HTR2A: variants seen among roughly 807,000 people sequenced by gnomAD.
HTR2A encodes 5-hydroxytryptamine receptor 2A.
In HTR2A, 14 loss-of-function variants were observed where a neutral mutation model predicts 31.0. That is an observed-to-expected ratio of 0.45 (90% CI 0.30 to 0.71). The LOEUF is 0.71. Ranked by LOEUF, HTR2A falls within the 30% of genes least tolerant of loss-of-function variation. The pLI, the probability that HTR2A is intolerant of heterozygous loss-of-function variation, is 0.09. For missense variants in HTR2A, 442 were observed against 573.3 expected (o/e 0.77, Z 2.34); for synonymous variants, 209 against 225.2 (o/e 0.93, Z 0.64).
rs1359182406 is a variant in HTR2A at position 46,834,769 on chromosome 13, T to A, written c.*68A>T. ...TGTCTAATTTTTTCCAATCTCATAT[T>A]TTTTTTTTTCCAGATAGGTGAAAAC... On this transcript the variant is annotated 3_prime_UTR_variant, in exon 4 of 4. Coordinates refer to ENST00000542664, the MANE Select transcript of HTR2A (RefSeq NM_000621.5). 6 of 1,252,994 alleles carry A rather than the reference T, an allele frequency of 4.8e-6. No homozygotes were observed. Among genetic ancestry groups the A allele is most frequent in the South Asian group, 1.5e-5 (1 of 66,678 alleles). The allele number at this position is 1,252,994 out of a possible 1,614,324, so 77.6% of individuals were successfully genotyped here. A position where few individuals can be genotyped will look rare whatever the true frequency, so the allele number is the denominator to read the frequency against.
At chr13:46,877,728 T>C (rs777563709) in intron 3 of HTR2A, among the ~76,000 whole-genome samples, 20 of 152,148 alleles carry the variant, frequency 1.3e-4, no homozygotes, top group Non-Finnish European at 2.4e-4. Context: ...TGTGAAAATA[T>C]AGAGATATGG....
At chr13:46,893,223 TAAA>T (rs1238166617) in intron 2 of HTR2A, among the ~76,000 whole-genome samples, 6 of 152,072 alleles carry the variant, frequency 3.9e-5, no homozygotes, top group African/African-American at 9.7e-5. Context: ...TGAAGAAAAA[TAAA>T]GAAAGGTGTC....
intron 3 of HTR2A, among the ~76,000 whole-genome samples, chr13:46,863,785 G>A (rs1298627778): frequency 6.6e-6 from 1 of 152,018 alleles, no homozygotes; most frequent in Non-Finnish European, 1.5e-5. Context: ...TGGCAAGGTT[G>A]TGGAGAAAAA....
In HTR2A at chr13:46,892,478, G is replaced by A. The variant is rs112426939; in HGVS notation, c.525C>T (p.Val175=). 16 of 1,614,220 alleles carry A rather than the reference G, an allele frequency of 9.9e-6. No individual in the cohort carries two copies. Among genetic ancestry groups the A allele is most frequent in the African/African-American group, 2.7e-5 (2 of 75,056 alleles). Reference sequence around the variant, plus strand: ...TGTGGTGGATGGGATTCTGGATGGCGACGTAGCGGTCCAGCGAGATGGCGC... The same window carrying A: ...TGTGGTGGATGGGATTCTGGATGGCAACGTAGCGGTCCAGCGAGATGGCGC... The part of the protein sequence containing the change: ...HLCAISLDRY[V]AIQNPIHHSR... The change falls in exon 3 of 4, where the codon GTC becomes GTT. Residue 175 remains valine, a synonymous_variant. Transcript: ENST00000542664.
intron 3 of HTR2A, among the ~76,000 whole-genome samples, chr13:46,858,425 G>A (rs1950755745): frequency 6.6e-6 from 1 of 152,134 alleles, no homozygotes; most frequent in Non-Finnish European, 1.5e-5. Flanking sequence ...CATGCCATGA[G>A]GAATTGCAGG....
At chr13:46,845,111 A>C (rs1000733294) in intron 3 of HTR2A, among the ~76,000 whole-genome samples, 2 of 152,178 alleles carry the variant, frequency 1.3e-5, no homozygotes, top group Admixed American at 6.5e-5. Context: ...GTTCAATATA[A>C]TCATGATGTC....
chr13:46,890,319 G>A (rs965385776), intron 3 of HTR2A, among the ~76,000 whole-genome samples: 2 of 152,184 alleles, frequency 1.3e-5, no homozygotes, highest in African/African-American at 2.4e-5. Context: ...CTCCAGCCTG[G>A]GCAACAAGAG....
intron 3 of HTR2A, among the ~76,000 whole-genome samples, chr13:46,840,938 TC>T (rs1950592443): frequency 6.6e-6 from 1 of 152,108 alleles, no homozygotes; most frequent in African/African-American, 2.4e-5. Flanking sequence ...ATCCTCATAA[TC>T]CCCACATGTC....
chr13:46,892,656 C>G, intron 2 of HTR2A, 66 bp from the exon 3 acceptor site: 5 of 1,329,460 alleles, frequency 3.8e-6, no homozygotes, highest in Non-Finnish European at 5.4e-6. Context: ...TATCCCTATC[C>G]TATGACAATT....
intron 3 of HTR2A, among the ~76,000 whole-genome samples, chr13:46,862,916 T>A (rs1197031129): frequency 1.3e-5 from 2 of 152,220 alleles, no homozygotes; most frequent in Non-Finnish European, 2.9e-5. Flanking sequence ...GTAAATGACT[T>A]AAATCACTAA....
intron 3 of HTR2A, 131 bp from the exon 4 acceptor site, chr13:46,835,770 T>C (rs1876433784): frequency 1.0e-5 from 7 of 702,880 alleles, no homozygotes; most frequent in Non-Finnish European, 1.6e-5. Flanking sequence ...ACTTTGAGAA[T>C]TTAAAATTCC....
intron 3 of HTR2A, among the ~76,000 whole-genome samples, chr13:46,888,277 G>A (rs1417003109): frequency 1.3e-5 from 2 of 152,066 alleles, no homozygotes. Context: ...ACACCATGCA[G>A]GATAAAAACA....
Position 46,835,359 on chromosome 13 carries a change from C to T in HTR2A, c.894G>A (p.Ser298=), listed in dbSNP as rs140854817. The T allele has an allele frequency of 2.0e-5, 32 of 1,614,006 alleles. 1 individual carries two copies. The highest frequency in any genetic ancestry group is 1.7e-4 in the Middle Eastern group (1 of 6,060). Residue 298 remains serine, a synonymous_variant, in exon 4 of 4, where the codon TCG becomes TCA. Transcript: ENST00000542664. ...SLSSEKLFQR[S]IHREPGSYTG... is the part of the protein sequence containing the mutation. ...TGTAGGACCCTGGCTCCCTATGGAT[C>T]GACCGCTGGAAGAGCTTTTCTGAAG...
At chr13:46,846,600 A>T (rs2138194442) in intron 3 of HTR2A, among the ~76,000 whole-genome samples, 1 of 152,310 alleles carries the variant, frequency 6.6e-6, no homozygotes, top group Admixed American at 6.5e-5. Context: ...CCTCAGTGAA[A>T]ATTGAATGAC....
Position 46,834,065 on chromosome 13 carries a change from A to G in HTR2A, c.*772T>C, listed in dbSNP as rs1284967135. On this transcript the variant is annotated 3_prime_UTR_variant, in exon 4 of 4. Transcript: ENST00000542664. The stretch of plus-strand genomic sequence containing the variant: ...CTAGAAAGGCATTTGGTAATGTTAA[A>G]TCATCCTTTTGCTAGTTTACCTAGA... The G allele has an allele frequency of 1.3e-5, 2 of 152,478 alleles. No homozygotes were observed. The highest frequency in any genetic ancestry group is 2.9e-5 in the Non-Finnish European group (2 of 68,040). The allele number at this position is 152,478 out of a possible 1,614,324, so 9.4% of individuals were successfully genotyped here.
Position 46,831,552 on chromosome 13 carries a change from T to G in HTR2A, c.*3285A>C, listed in dbSNP as rs942610940. On this transcript the variant is annotated 3_prime_UTR_variant, in exon 4 of 4. Transcript: ENST00000542664. ...TGGACTCACACAAAATTCATTCATT[T>G]TTGAGTCTACTTTATTTACAGTTAT... 3.9e-5 allele frequency: 6 copies of G among 152,270 alleles called. No individual in the cohort carries two copies. Among genetic ancestry groups the G allele is most frequent in the African/African-American group, 1.4e-4 (6 of 41,476 alleles). 9.4% of individuals were successfully genotyped at this position (152,270 alleles called of 1,614,324 possible).
intron 3 of HTR2A, among the ~76,000 whole-genome samples, chr13:46,851,676 CA>C (rs2138200130): frequency 6.6e-6 from 1 of 152,314 alleles, no homozygotes; most frequent in South Asian, 2.1e-4. Context: ...GTTGTGGATC[CA>C]GCCAAATAAG....
Position 46,879,308 on chromosome 13 carries a change from T to C in HTR2A, c.613+13082A>G, listed in dbSNP as rs76918893. Among the ~76,000 whole-genome samples the C allele has an allele frequency of 4.7e-4, 72 of 152,334 alleles. No individual in the cohort carries two copies. In the East Asian group the frequency reaches 0.011, roughly 23 times the overall value. On this transcript the variant is annotated intron_variant, in intron 3 of 3. Coordinates refer to ENST00000542664, the MANE Select transcript of HTR2A (RefSeq NM_000621.5). ...TGAGCTGTTTCTTTCATGTTGAGAA[T>C]GTATTTGTGTATTACCTGAATGAAT...
intron 3 of HTR2A, among the ~76,000 whole-genome samples, chr13:46,873,398 T>C (rs1950879405): frequency 1.5e-5 from 1 of 68,454 alleles, no homozygotes; most frequent in Non-Finnish European, 3.0e-5. Flanking sequence ...ACACAGTATA[T>C]CCAAAACATT....
Sources: allele counts gnomAD v4.1 joint callset (sites outside exome capture counted in the v4.1 genomes callset), GRCh38; gene constraint gnomAD v4.1.1; transcripts MANE v1.5; gene names NCBI Gene and HGNC (gene_info 2026-07-23, HGNC 2026-07-21).